CEP126: variants seen among roughly 807,000 people sequenced by gnomAD.
The protein encoded by CEP126 is centrosomal protein 126, also known as centrosomal protein of 126 kDa.
A neutral mutation model predicts 107.8 loss-of-function variants in CEP126; 74 were observed. The observed-to-expected ratio is 0.69, with a 90% CI of 0.57 to 0.83. The LOEUF is 0.83. Among genes scored for constraint, CEP126 ranks in the 40% least tolerant of loss-of-function variants. The pLI, the probability that CEP126 is intolerant of heterozygous loss-of-function variation, is 0.00. For synonymous variants in CEP126, 449 were observed against 446.0 expected (o/e 1.01, Z -0.08); for missense variants, 1,237 against 1,281.9 (o/e 0.96, Z 0.53).
chr11:101,951,839 G>C (rs763248569), intron 4 of CEP126, among the ~76,000 whole-genome samples: 10 of 152,170 alleles, frequency 6.6e-5, no homozygotes, highest in Non-Finnish European at 1.3e-4. Flanking sequence ...AGAGGCCAAG[G>C]CTCTAGAAAT....
intron 4 of CEP126, among the ~76,000 whole-genome samples, chr11:101,948,914 C>T (rs769659962): frequency 6.6e-6 from 1 of 151,956 alleles, no homozygotes; most frequent in Non-Finnish European, 1.5e-5. Flanking sequence ...AATATTTTAC[C>T]TGTGCATAAT....
intron 4 of CEP126, chr11:101,956,633 T>A (rs2137106946): frequency 2.2e-6 from 1 of 456,362 alleles, no homozygotes; most frequent in African/African-American, 2.0e-5. Context: ...CTGTTCTACT[T>A]CTCCATCCTT....
At chr11:101,995,704 C>T (rs1264012488) in intron 10 of CEP126, among the ~76,000 whole-genome samples, 11 of 152,296 alleles carry the variant, frequency 7.2e-5, no homozygotes, top group African/African-American at 2.6e-4. Context: ...TGCTGGACTT[C>T]TCTTAGTCAC....
chr11:101,934,624 C>T (rs368325764), intron 2 of CEP126, among the ~76,000 whole-genome samples: 22 of 152,200 alleles, frequency 1.4e-4, no homozygotes, highest in African/African-American at 5.3e-4. Flanking sequence ...CAGTCAATCT[C>T]TGCCCTTCAT....
chr11:101,940,264 C>A (rs1940645639), intron 2 of CEP126, among the ~76,000 whole-genome samples: 2 of 152,084 alleles, frequency 1.3e-5, no homozygotes, highest in Admixed American at 1.3e-4. Flanking sequence ...GTGCTGTTTA[C>A]TAGGAAGATT....
intron 5 of CEP126, among the ~76,000 whole-genome samples, chr11:101,961,466 T>G (rs185412871): frequency 1.3e-5 from 2 of 152,102 alleles, no homozygotes; most frequent in African/African-American, 4.8e-5. Flanking sequence ...ATAACAAAAA[T>G]TTTTTTTAAG....
chr11:101,962,735 A>G lies in CEP126; in HGVS notation c.1700A>G (p.His567Arg), dbSNP rs772375001. Residue 567 changes from histidine (H) to arginine (R), a missense_variant, in exon 6 of 11, where the codon CAT becomes CGT. Transcript: ENST00000263468. ...CATAAGAAAATGAAATACAACATCC[A>G]TGAGAGAAATGGTGTGAGATTTCTT... ...GQHKKMKYNI[H>R]ERNGVRFLKS... is the part of the protein sequence containing the mutation. 2 of 1,612,742 alleles carry G rather than the reference A, an allele frequency of 1.2e-6. No individual in the cohort carries two copies. The highest frequency in any genetic ancestry group is 1.3e-5 in the African/African-American group (1 of 74,990).
At chr11:101,970,404 G>C (rs948751052) in intron 6 of CEP126, among the ~76,000 whole-genome samples, 1 of 152,094 alleles carries the variant, frequency 6.6e-6, no homozygotes, top group African/African-American at 2.4e-5. Flanking sequence ...ATGGCAGGTG[G>C]GTATATGGAA....
At chr11:101,956,913 A>G (rs1300866757) in intron 4 of CEP126, 4 of 353,104 alleles carry the variant, frequency 1.1e-5, no homozygotes. Context: ...AAAGGAATAG[A>G]GAAGAAAGTT....
intron 1 of CEP126, among the ~76,000 whole-genome samples, chr11:101,921,113 C>T (rs1940319676): frequency 6.6e-6 from 1 of 152,028 alleles, no homozygotes; most frequent in South Asian, 2.1e-4. Flanking sequence ...ATTAGGATAA[C>T]CAAAATATTC....
intron 4 of CEP126, among the ~76,000 whole-genome samples, chr11:101,955,163 T>C (rs189557020): frequency 6.6e-6 from 1 of 152,290 alleles, no homozygotes; most frequent in East Asian, 1.9e-4. Flanking sequence ...TATATTCTCA[T>C]GAACATAGAA....
At chr11:101,979,970 C>G (rs557482048) in intron 7 of CEP126, among the ~76,000 whole-genome samples, 2 of 151,786 alleles carry the variant, frequency 1.3e-5, no homozygotes, top group Admixed American at 6.6e-5. Context: ...TAATAAAATG[C>G]CTTATGAAGA....
Position 101,986,987 on chromosome 11 carries a change from G to C in CEP126, c.3190G>C (p.Ala1064Pro), listed in dbSNP as rs756041767. 1 of 1,613,514 alleles carries C rather than the reference G, an allele frequency of 6.2e-7. No individual in the cohort carries two copies. Among genetic ancestry groups the C allele is most frequent in the Non-Finnish European group, 8.5e-7 (1 of 1,179,752 alleles). ...ACAATTCAACATCTGCACACTGTCA[G>C]CTGAAGAACAGAAGATCCTAGAGTC... The part of the protein sequence containing the change: ...TQQFNICTLS[A>P]EEQKILESLN... Residue 1064 changes from alanine to proline, a missense_variant, in exon 9 of 11, where the codon GCT becomes CCT. Physicochemically the swap from Ala to Pro is conservative, Grantham distance 27 (BLOSUM62 -1). This residue lies in a region of CEP126 where 99 missense variants were observed against 114.4 expected (regional missense o/e 0.87). Coordinates refer to ENST00000263468, the MANE Select transcript of CEP126 (RefSeq NM_020802.4).
At chr11:101,949,759 A>C (rs2137100482) in intron 4 of CEP126, among the ~76,000 whole-genome samples, 1 of 152,314 alleles carries the variant, frequency 6.6e-6, no homozygotes, top group East Asian at 1.9e-4. Context: ...TGAGAGGTTA[A>C]GTAAGGGACT....
At chr11:101,995,066 C>T (rs1229536961) in intron 10 of CEP126, among the ~76,000 whole-genome samples, 6 of 152,030 alleles carry the variant, frequency 3.9e-5, no homozygotes, top group South Asian at 4.2e-4. Flanking sequence ...ATGTTCCCCT[C>T]CCTGTGTCCA....
Position 101,986,945 on chromosome 11 carries a change from C to T in CEP126, c.3148C>T (p.Pro1050Ser). The change falls in exon 9 of 11, where the codon CCT (proline) becomes TCT (serine). Residue 1050 changes from proline (P) to serine (S), a missense_variant. Coordinates refer to ENST00000263468, the MANE Select transcript of CEP126 (RefSeq NM_020802.4). The part of the protein sequence containing the change: ...NSKQIQKSNL[P>S]LNKTQQFNIC... Reference sequence around the variant, plus strand: ...CAAACAGATACAGAAATCAAATCTACCTTTAAATAAAACTCAACAATTCAA... The same window carrying T: ...CAAACAGATACAGAAATCAAATCTATCTTTAAATAAAACTCAACAATTCAA... The T allele has an allele frequency of 1.9e-6, 3 of 1,613,690 alleles. No homozygotes were observed. The highest frequency in any genetic ancestry group is 1.1e-5 in the South Asian group (1 of 91,084).
chr11:101,958,225 A>G lies in CEP126; in HGVS notation c.564A>G (p.Lys188=), dbSNP rs753088723. The change falls in exon 5 of 11, where the codon AAA becomes AAG. Residue 188 remains lysine, a synonymous_variant. Transcript: ENST00000263468. ...ALSKNDHKHQ[K]QLLSKINCEK... is the part of the protein sequence containing the mutation. ...CAAAAAATGATCACAAGCATCAGAA[A>G]CAACTCTTATCCAAAATCAATTGTG... The G allele has an allele frequency of 7.4e-6, 12 of 1,614,022 alleles. No homozygotes were observed. Among genetic ancestry groups the G allele is most frequent in the Non-Finnish European group, 1.0e-5 (12 of 1,179,932 alleles).
chr11:101,934,998 C>G (rs1940555118), intron 2 of CEP126, among the ~76,000 whole-genome samples: 1 of 151,994 alleles, frequency 6.6e-6, no homozygotes, highest in African/African-American at 2.4e-5. Flanking sequence ...AAGGGCTGAC[C>G]TTTTTTACAC....
At chr11:101,956,804 T>G (rs1940904497) in intron 4 of CEP126, 1 of 439,950 alleles carries the variant, frequency 2.3e-6, no homozygotes, top group Admixed American at 2.5e-5. Flanking sequence ...TCCTTCTGTT[T>G]CTACCTCCCC....
Sources: gnomAD v4.1 joint callset for allele counts (sites outside exome capture counted in the v4.1 genomes callset) on GRCh38, gnomAD v4.1.1 for gene constraint, gnomAD v4.1.1 regional missense constraint, MANE v1.5 for transcripts, NCBI Gene and HGNC (gene_info 2026-07-23, HGNC 2026-07-21) for gene names.